PPP2R1A: variants seen among roughly 807,000 people sequenced by gnomAD.
PPP2R1A encodes the protein protein phosphatase 2 scaffold subunit Aalpha, also known as serine/threonine-protein phosphatase 2A 65 kDa regulatory subunit A alpha isoform.
Under a neutral mutation model 67.1 loss-of-function variants are expected in PPP2R1A, and 15 were observed. The observed-to-expected ratio is 0.22, with a 90% CI of 0.15 to 0.34. The LOEUF (loss-of-function observed/expected upper bound fraction) is 0.34. Ranked by LOEUF, PPP2R1A falls within the 10% of genes least tolerant of loss-of-function variation. PPP2R1A has a pLI of 1.00. For missense variants in PPP2R1A, 369 were observed against 775.0 expected, an observed-to-expected ratio of 0.48 and a Z score of 6.22; for synonymous variants, 337 against 325.0, an observed-to-expected ratio of 1.04 and a Z score of -0.40.
chr19:52,217,465 C>T (rs1978646089), intron 9 of PPP2R1A, among the ~76,000 whole-genome samples: 1 of 152,174 alleles, frequency 6.6e-6, no homozygotes, highest in Non-Finnish European at 1.5e-5. Flanking sequence ...CTCCAAAGGC[C>T]TGGGATTATA....
chr19:52,190,309 T>TC, intron 1 of PPP2R1A, 135 bp downstream of exon 1: 3 of 1,069,710 alleles, frequency 2.8e-6, no homozygotes, highest in Non-Finnish European at 4.1e-6. Context: ...GTCTCTTATC[T>TC]CCCCGGTTGC....
intron 1 of PPP2R1A, among the ~76,000 whole-genome samples, chr19:52,198,322 C>A (rs531904172): frequency 2.0e-5 from 3 of 152,146 alleles, no homozygotes; most frequent in Non-Finnish European, 2.9e-5. Flanking sequence ...TTTAATGAAA[C>A]CAAAAGCAGA....
intron 12 of PPP2R1A, chr19:52,221,883 A>G (rs925199843): frequency 1.2e-5 from 6 of 490,194 alleles, no homozygotes; most frequent in Non-Finnish European, 2.1e-5. Flanking sequence ...GTCGATCTCC[A>G]GAATAATTAA....
chr19:52,204,447 C>T (rs557849166), intron 2 of PPP2R1A, among the ~76,000 whole-genome samples: 3 of 152,218 alleles, frequency 2.0e-5, no homozygotes, highest in African/African-American at 7.2e-5. Flanking sequence ...TCAGAGTGAC[C>T]TTAGTTTGGG....
rs909808673 is a variant in PPP2R1A at position 52,226,537 on chromosome 19, G to A, written c.*556G>A. The A allele has an allele frequency of 5.7e-5, 12 of 210,952 alleles. No homozygotes were observed. The highest frequency in any genetic ancestry group is 1.5e-3 in the Middle Eastern group (1 of 672). 13.1% of individuals were successfully genotyped at this position (210,952 alleles called of 1,614,324 possible). A position where few individuals can be genotyped will look rare whatever the true frequency, so the allele number is the denominator to read the frequency against. Reference sequence around the variant, plus strand: ...AGGACCCATTATACCCCTATGTCCCGAAAGAATACTCTGGGGATCCCCCCA... The same window carrying A: ...AGGACCCATTATACCCCTATGTCCCAAAAGAATACTCTGGGGATCCCCCCA... On this transcript the variant is annotated 3_prime_UTR_variant, in exon 15 of 15. Transcript: ENST00000322088.
intron 1 of PPP2R1A, among the ~76,000 whole-genome samples, chr19:52,192,802 A>G (rs1183450800): frequency 6.6e-6 from 1 of 152,202 alleles, no homozygotes; most frequent in African/African-American, 2.4e-5. Context: ...AGACACATGC[A>G]GGGTGAGGTG....
At chr19:52,210,486 T>TC (rs2089655052) in intron 3 of PPP2R1A, among the ~76,000 whole-genome samples, 2 of 95,008 alleles carry the variant, frequency 2.1e-5, no homozygotes, top group African/African-American at 5.2e-5. Flanking sequence ...TTTCTCTTCT[T>TC]TTTTTTTTTT....
At chr19:52,202,328 A>G (rs767627269) in intron 2 of PPP2R1A, among the ~76,000 whole-genome samples, 2 of 152,118 alleles carry the variant, frequency 1.3e-5, no homozygotes, top group Middle Eastern at 3.2e-3. Flanking sequence ...TGTTTCTTAT[A>G]TTTTTCATCT....
chr19:52,204,779 A>G (rs1204007266), intron 2 of PPP2R1A, among the ~76,000 whole-genome samples: 1 of 152,200 alleles, frequency 6.6e-6, no homozygotes, highest in Non-Finnish European at 1.5e-5. Flanking sequence ...TTGAAGGAAG[A>G]GGCAGAGATA....
rs1053009869 is a variant in PPP2R1A at position 52,211,814 on chromosome 19, A to G, written c.503+322A>G. On this transcript the variant is annotated intron_variant, in intron 4 of 14. Transcript: ENST00000322088. This position sits in a 1 kb window ranked among gnomAD's most constrained non-coding sequence, Gnocchi z 5.3. ...CAAAATCTGGAACATAAAAACTTTC[A>G]GCAACTTACATCTGATGGTATCTCC... 7.5e-5 allele frequency: 27 copies of G among 360,704 alleles called. No homozygotes were observed. Among genetic ancestry groups the G allele is most frequent in the Non-Finnish European group, 1.3e-4 (26 of 197,752 alleles). The allele number at this position is 360,704 out of a possible 1,614,324, so 22.3% of individuals were successfully genotyped here. A position where few individuals can be genotyped will look rare whatever the true frequency, so the allele number is the denominator to read the frequency against.
In PPP2R1A at chr19:52,226,034, A is replaced by AAG; in HGVS notation, c.*54_*55dup. 1 of 1,613,466 alleles carries AAG rather than the reference A, an allele frequency of 6.2e-7. No individual in the cohort carries two copies. The highest frequency in any genetic ancestry group is 1.7e-5 in the Admixed American group (1 of 60,022). On this transcript the variant is annotated 3_prime_UTR_variant, in exon 15 of 15. Transcript: ENST00000322088. ...CTGGTGTCCACCCTCCAACCCCCAC[A>AAG]AGTCCCTCTTTGGGGAGACACTGGG...
In PPP2R1A at chr19:52,211,229, G is replaced by A. The variant is rs1412714554; in HGVS notation, c.271-31G>A. 1.9e-6 allele frequency: 3 copies of A among 1,598,190 alleles called. No individual in the cohort carries two copies. Among genetic ancestry groups the A allele is most frequent in the Admixed American group, 1.7e-5 (1 of 58,940 alleles). On this transcript the variant is annotated intron_variant, in intron 3 of 14. Coordinates refer to ENST00000322088, the MANE Select transcript of PPP2R1A (RefSeq NM_014225.6). The surrounding 1 kb of genome is among the most constrained non-coding windows in gnomAD (Gnocchi z 5.3). ...CAGGGCTGCGGATGGTGGAGAGGGAGCTGTCCAGTGACTTTGTGTTCTCAC... is the reference window on the plus strand; with the variant it reads ...CAGGGCTGCGGATGGTGGAGAGGGAACTGTCCAGTGACTTTGTGTTCTCAC...
rs1325884998 is a variant in PPP2R1A, at chr19:52,212,679, C to T, written c.504-7C>T. Reference sequence around the variant, plus strand: ...GCTGCCTCAGGATCCCCGTCCCCGACTCCCAGGTACTTCCGGAACCTGTGC... The same window carrying T: ...GCTGCCTCAGGATCCCCGTCCCCGATTCCCAGGTACTTCCGGAACCTGTGC... On this transcript the variant is annotated splice_polypyrimidine_tract_variant and splice_region_variant and intron_variant, in intron 4 of 14. Transcript: ENST00000322088. The surrounding 1 kb of genome is among the most constrained non-coding windows in gnomAD (Gnocchi z 4.1). The T allele has an allele frequency of 6.2e-7, 1 of 1,612,516 alleles. No individual in the cohort carries two copies. The highest frequency in any genetic ancestry group is 1.7e-5 in the Admixed American group (1 of 60,014).
rs1238912001 is a variant in PPP2R1A, at chr19:52,226,660, G to A, written c.*679G>A. 1 of 175,774 alleles carries A rather than the reference G, an allele frequency of 5.7e-6. No individual in the cohort carries two copies. Among genetic ancestry groups the A allele is most frequent in the Non-Finnish European group, 1.2e-5 (1 of 81,706 alleles). The allele number at this position is 175,774 out of a possible 1,614,324, so 10.9% of individuals were successfully genotyped here. A position where few individuals can be genotyped will look rare whatever the true frequency, so the allele number is the denominator to read the frequency against. On this transcript the variant is annotated 3_prime_UTR_variant, in exon 15 of 15. Coordinates refer to ENST00000322088, the MANE Select transcript of PPP2R1A (RefSeq NM_014225.6). ...TCATAGATGTCGGCCGAGTATTTGG[G>A]GGGTTAAGAGCAGGTGCCTTGGAAC...
chr19:52,210,484 C>CTTTTTTTTTTTTTTTTTTTTTTT (rs112983236), intron 3 of PPP2R1A, among the ~76,000 whole-genome samples: 1 of 126,970 alleles, frequency 7.9e-6, no homozygotes, highest in Non-Finnish European at 1.6e-5. Flanking sequence ...GTTTTCTCTT[C>CTTTTTTTTTTTTTTTTTTTTTTT]TTTTTTTTTT....
chr19:52,218,443 CTTTT>C (rs373747573), intron 9 of PPP2R1A, among the ~76,000 whole-genome samples: 3,280 of 151,886 alleles, frequency 0.022, 54 homozygotes, highest in Non-Finnish European at 0.028. Context: ...TTTTTTTGTT[CTTTT>C]TGTTTTTCCC....
At chr19:52,197,587 A>G (rs916039199) in intron 1 of PPP2R1A, among the ~76,000 whole-genome samples, 1 of 152,140 alleles carries the variant, frequency 6.6e-6, no homozygotes, top group Admixed American at 6.6e-5. Flanking sequence ...AGGCGGGAGA[A>G]TCACTTGAGC....
In PPP2R1A at chr19:52,225,959, T is replaced by C. The variant is rs1244763558; in HGVS notation, c.1754-6T>C. 2 of 1,614,204 alleles carry C rather than the reference T, an allele frequency of 1.2e-6. No individual in the cohort carries two copies. Among genetic ancestry groups the C allele is most frequent in the Admixed American group, 3.3e-5 (2 of 60,030 alleles). ...TTCTGATTCTTGCCTGTTCCTGTTT[T>C]CCTAGTTCTGTCTCTCGCCTGATGC... On this transcript the variant is annotated splice_polypyrimidine_tract_variant and splice_region_variant and intron_variant, in intron 14 of 14. Coordinates refer to ENST00000322088, the MANE Select transcript of PPP2R1A (RefSeq NM_014225.6).
chr19:52,208,656 T>A (rs1057478129), intron 3 of PPP2R1A, among the ~76,000 whole-genome samples: 4 of 152,140 alleles, frequency 2.6e-5, no homozygotes, highest in Non-Finnish European at 1.5e-5. Context: ...CCCATCACCA[T>A]GCCTGGCTAA....
Sources: allele counts gnomAD v4.1 joint callset (sites outside exome capture counted in the v4.1 genomes callset), GRCh38; gene constraint gnomAD v4.1.1; non-coding constraint Gnocchi (gnomAD v3.1); transcripts MANE v1.5; gene names NCBI Gene and HGNC (gene_info 2026-07-23, HGNC 2026-07-21).